Variants in FAM120C observed in about 807,000 individuals in gnomAD.
FAM120C encodes the protein family with sequence similarity 120 member C, also known as constitutive coactivator of PPAR-gamma-like protein 2.
Under a neutral mutation model 71.2 loss-of-function variants are expected in FAM120C, and 14 were observed. The ratio of observed to expected loss-of-function variants is 0.20; its 90% CI spans 0.13 to 0.31. The LOEUF (loss-of-function observed/expected upper bound fraction) is 0.31. Ranked by LOEUF, FAM120C falls within the 10% of genes least tolerant of loss-of-function variation. The probability of loss-of-function intolerance (pLI) is 1.00; values close to 1 mark genes in which losing one functional copy is unlikely to be tolerated. For synonymous variants in FAM120C, 354 were observed against 353.2 expected, an observed-to-expected ratio of 1.00 and a Z score of -0.03; for missense variants, 500 against 879.0, an observed-to-expected ratio of 0.57 and a Z score of 5.45.
Position 54,072,771 on chromosome X carries a change from T to C in FAM120C, c.*262A>G. The C allele has an allele frequency of 3.5e-6, 1 of 282,826 alleles. No homozygotes were observed. Among genetic ancestry groups the C allele is most frequent in the Non-Finnish European group, 6.2e-6 (1 of 160,927 alleles). The allele number at this position is 282,826 out of a possible 1,213,427, so 23.3% of individuals were successfully genotyped here. A position where few individuals can be genotyped will look rare whatever the true frequency, so the allele number is the denominator to read the frequency against. On this transcript the variant is annotated 3_prime_UTR_variant, in exon 16 of 16. Transcript: ENST00000375180. ...GCTCCCAGAGGAGATAAATAAACTATTGGTGCTATATCTTCAATTTGAGAC... is the reference window on the plus strand; with the variant it reads ...GCTCCCAGAGGAGATAAATAAACTACTGGTGCTATATCTTCAATTTGAGAC...
intron 5 of FAM120C, among the ~76,000 whole-genome samples, chrX:54,136,090 C>G (rs2067092963): frequency 1.8e-5 from 2 of 109,912 alleles, no homozygotes; most frequent in Non-Finnish European, 3.8e-5. Flanking sequence ...ACTCCGCCTC[C>G]CGGGTTCAAG....
At chrX:54,153,986 C>T (rs1169221102) in intron 3 of FAM120C, among the ~76,000 whole-genome samples, 6 of 109,378 alleles carry the variant, frequency 5.5e-5, no homozygotes, top group Non-Finnish European at 1.1e-4. Flanking sequence ...CAGGTGTTAG[C>T]CACAGTGCCC....
rs1557129650 is a variant in FAM120C at position 54,132,881 on chromosome X, C to A, written c.1891-18G>T. ...ATTTCACCCTAACAAGAGAACATTC[C>A]AGGGAAAAGGAAAAAATGAGTTACC... On this transcript the variant is annotated intron_variant, in intron 8 of 15. Transcript: ENST00000375180. 5 of 1,163,112 alleles carry A rather than the reference C, an allele frequency of 4.3e-6. No homozygotes were observed. Among genetic ancestry groups the A allele is most frequent in the Admixed American group, 5.2e-5 (2 of 38,152 alleles).
intron 3 of FAM120C, among the ~76,000 whole-genome samples, chrX:54,152,547 T>C (rs2067189239): frequency 1.8e-5 from 2 of 112,429 alleles, no homozygotes; most frequent in Non-Finnish European, 3.7e-5. Context: ...CATGAGCCAC[T>C]GCGCCTGGCC....
At chrX:54,084,522 T>G (rs2066783701) in intron 13 of FAM120C, among the ~76,000 whole-genome samples, 1 of 112,229 alleles carries the variant, frequency 8.9e-6, no homozygotes, top group Non-Finnish European at 1.9e-5. Context: ...TGTTGAAATG[T>G]CTCCACTAAA....
chrX:54,162,362 T>C (rs1373334867), intron 1 of FAM120C, among the ~76,000 whole-genome samples: 1 of 111,890 alleles, frequency 8.9e-6, no homozygotes, highest in African/African-American at 3.2e-5. Flanking sequence ...ATACTTTCCA[T>C]AGGCCTGCCA....
Position 54,134,863 on chromosome X carries a change from A to G in FAM120C, c.1584T>C (p.Ser528=). ...TAGCTCCATTTGGCTCATCACCATC[A>G]GAGGAAGAGGAGTGGGAAGAGTCTG... ...LGPDSSHSSS[S]DGDEPNGASS... Residue 528 remains serine (S), a synonymous_variant, in exon 7 of 16, where the codon TCT becomes TCC. Transcript: ENST00000375180. 2 of 1,211,161 alleles carry G rather than the reference A, an allele frequency of 1.7e-6. No individual in the cohort carries two copies. Among genetic ancestry groups the G allele is most frequent in the Non-Finnish European group, 2.2e-6 (2 of 895,321 alleles).
Position 54,183,247 on chromosome X carries a change from G to A in FAM120C, c.-49C>T, listed in dbSNP as rs782185738. Reference sequence around the variant, plus strand: ...TAGCGGCTGCGCAAGCAGGATAGGCGACGATCTGGGCGCGAAGCTGGGGGC... The same window carrying A: ...TAGCGGCTGCGCAAGCAGGATAGGCAACGATCTGGGCGCGAAGCTGGGGGC... On this transcript the variant is annotated 5_prime_UTR_variant, in exon 1 of 16. Transcript: ENST00000375180. 17 of 885,317 alleles carry A rather than the reference G, an allele frequency of 1.9e-5. No individual in the cohort carries two copies. The African/African-American group carries it at 3.9e-4, about 20-fold the overall frequency. 73.0% of individuals were successfully genotyped at this position (885,317 alleles called of 1,213,427 possible). A position where few individuals can be genotyped will look rare whatever the true frequency, so the allele number is the denominator to read the frequency against.
Position 54,132,790 on chromosome X carries a change from C to T in FAM120C, c.1964G>A (p.Arg655Gln). ...MELPPAALLF[R>Q]SARQYVYGVL... is the part of the protein sequence containing the mutation. ...TCCATATACATATTGACGAGCTGAC[C>T]GGAATAAGAGAGCAGCTGGAGGCAG... The change falls in exon 9 of 16, where the codon CGG becomes CAG. Residue 655 changes from arginine (R) to glutamine (Q), a missense_variant. Coordinates refer to ENST00000375180, the MANE Select transcript of FAM120C (RefSeq NM_017848.6). 2.5e-6 allele frequency: 3 copies of T among 1,209,183 alleles called. No homozygotes were observed. The highest frequency in any genetic ancestry group is 3.4e-6 in the Non-Finnish European group (3 of 894,145).
chrX:54,139,547 T>C (rs1557131280), intron 4 of FAM120C, among the ~76,000 whole-genome samples: 1 of 110,365 alleles, frequency 9.1e-6, no homozygotes. Flanking sequence ...TTCACTGTGT[T>C]AGCCAGGATG....
rs1557126646 is a variant in FAM120C, at chrX:54,116,602, C to T, written c.2255G>A (p.Ser752Asn). 1.7e-6 allele frequency: 2 copies of T among 1,211,650 alleles called. No homozygotes were observed. The highest frequency in any genetic ancestry group is 2.2e-6 in the Non-Finnish European group (2 of 895,448). ...GGGGACATTAGCTGGATTGAGCATACTGGGCGTGTCCGACTTCATACAGGC... is the reference window on the plus strand; with the variant it reads ...GGGGACATTAGCTGGATTGAGCATATTGGGCGTGTCCGACTTCATACAGGC... Reference protein sequence around the residue: ...FLACMKSDTPSMLNPANVPTH... With the variant: ...FLACMKSDTPNMLNPANVPTH... Residue 752 changes from serine (S) to asparagine (N), a missense_variant, in exon 10 of 16, where the codon AGT becomes AAT. Coordinates refer to ENST00000375180, the MANE Select transcript of FAM120C (RefSeq NM_017848.6).
intron 4 of FAM120C, among the ~76,000 whole-genome samples, chrX:54,136,827 A>G (rs2067096829): frequency 9.0e-6 from 1 of 111,182 alleles, no homozygotes; most frequent in Non-Finnish European, 1.9e-5. Flanking sequence ...TGATCATTAC[A>G]AAAAAATACA....
chrX:54,110,175 A>G (rs2066929303), intron 10 of FAM120C, among the ~76,000 whole-genome samples: 1 of 107,382 alleles, frequency 9.3e-6, no homozygotes, highest in Admixed American at 1.0e-4. Flanking sequence ...TTTTTAGTAG[A>G]GACGAGGTTT....
At chrX:54,079,308 C>T (rs182834392) in intron 15 of FAM120C, among the ~76,000 whole-genome samples, 2 of 108,267 alleles carry the variant, frequency 1.8e-5, no homozygotes, top group Admixed American at 2.0e-4. Flanking sequence ...GGTGTGGTGG[C>T]ACACACCTGT....
intron 10 of FAM120C, among the ~76,000 whole-genome samples, chrX:54,112,570 G>A (rs1319917078): frequency 5.5e-5 from 6 of 109,775 alleles, no homozygotes; most frequent in East Asian, 2.9e-4. Context: ...GGCCGGGTGC[G>A]GTGGCTCATG....
intron 9 of FAM120C, among the ~76,000 whole-genome samples, chrX:54,117,354 AAAAATAAAATAAAATAAAATAAAAT>A (rs140650427): frequency 1.3e-4 from 8 of 60,351 alleles, no homozygotes; most frequent in East Asian, 5.4e-4. Context: ...TCCTGTCTCT[AAAAATAAAATAAAATAAAATAAAAT>A]AAAATAAAAT....
intron 3 of FAM120C, among the ~76,000 whole-genome samples, chrX:54,153,024 C>T (rs782593378): frequency 6.3e-5 from 7 of 111,512 alleles, no homozygotes; most frequent in African/African-American, 2.0e-4. Context: ...GGTGAAACCC[C>T]GTCTCTACTA....
Position 54,182,734 on chromosome X carries a change from C to T in FAM120C, c.465G>A (p.Gln155=). Residue 155 remains glutamine, a synonymous_variant, in exon 1 of 16, where the codon CAG becomes CAA. Transcript: ENST00000375180. The stretch of plus-strand genomic sequence containing the variant: ...CGTCGCCGCCAGGATAGGCACAAGC[C>T]TGGCACAGCGCTGACAAGTAGCCCA... ...AMLGYLSALC[Q]ACAYPGGDGL... is the part of the protein sequence containing the mutation. 8.3e-7 allele frequency: 1 copy of T among 1,210,140 alleles called. No homozygotes were observed. Among genetic ancestry groups the T allele is most frequent in the Non-Finnish European group, 1.1e-6 (1 of 894,976 alleles).
chrX:54,146,984 T>C (rs1228843751), intron 4 of FAM120C, among the ~76,000 whole-genome samples: 3 of 112,097 alleles, frequency 2.7e-5, no homozygotes, highest in Middle Eastern at 4.6e-3. Flanking sequence ...ATATGGATGA[T>C]TTGTTCTAAA....
Sources: allele counts gnomAD v4.1 joint callset (sites outside exome capture counted in the v4.1 genomes callset), GRCh38; gene constraint gnomAD v4.1.1; transcripts MANE v1.5; gene names NCBI Gene and HGNC (gene_info 2026-07-23, HGNC 2026-07-21).